The following ADAMTSL1 variants were observed in gnomAD, a reference collection of about 807,000 sequenced individuals.
ADAMTSL1 encodes ADAMTS like 1.
ADAMTSL1 carries 126 observed loss-of-function variants against 201.8 expected under a neutral mutation model. That is an observed-to-expected ratio of 0.62 (90% CI 0.54 to 0.72). The LOEUF is 0.72. Among genes scored for constraint, ADAMTSL1 ranks in the 30% least tolerant of loss-of-function variants. The probability of loss-of-function intolerance (pLI) is 0.00; values close to 1 mark genes in which losing one functional copy is unlikely to be tolerated. For synonymous variants in ADAMTSL1, 1,121 were observed against 903.4 expected, an observed-to-expected ratio of 1.24 and a Z score of -4.32; for missense variants, 2,679 against 2,277.8, an observed-to-expected ratio of 1.18 and a Z score of -3.59.
chr9:18,413,448 G>C (rs1208785203), intron 2 of ADAMTSL1, among the ~76,000 whole-genome samples: 3 of 152,018 alleles, frequency 2.0e-5, no homozygotes, highest in Non-Finnish European at 4.4e-5. Context: ...AACAGGTGTG[G>C]GCCACCATGC....
intron 2 of ADAMTSL1, among the ~76,000 whole-genome samples, chr9:18,401,343 G>A (rs1315246550): frequency 6.6e-6 from 1 of 152,170 alleles, no homozygotes; most frequent in Non-Finnish European, 1.5e-5. Context: ...GCTACTCACA[G>A]TTTCTGTTGA....
chr9:18,427,918 G>A (rs1819299043), intron 2 of ADAMTSL1, among the ~76,000 whole-genome samples: 1 of 152,226 alleles, frequency 6.6e-6, no homozygotes, highest in African/African-American at 2.4e-5. Flanking sequence ...TTGGTAAAGA[G>A]TAAAATGCCT....
At chr9:18,485,789 C>A (rs1353640588) in intron 1 of ADAMTSL1, among the ~76,000 whole-genome samples, 1 of 152,198 alleles carries the variant, frequency 6.6e-6, no homozygotes, top group Non-Finnish European at 1.5e-5. Flanking sequence ...AGGCCACCCC[C>A]AGAAGCTCTG....
rs1333270227 is a variant in ADAMTSL1 at position 18,777,239 on chromosome 9, A to G, written c.3010A>G (p.Asn1004Asp). 12 of 1,612,610 alleles carry G rather than the reference A, an allele frequency of 7.4e-6. No homozygotes were observed. The highest frequency in any genetic ancestry group is 1.6e-4 in the Middle Eastern group (1 of 6,062). Residue 1004 changes from asparagine to aspartate, a missense_variant, in exon 19 of 29, where the codon AAC becomes GAC. Coordinates refer to ENST00000380548, the MANE Select transcript of ADAMTSL1 (RefSeq NM_001040272.6). ...CAAACACCAGAACGGGATCTTCTCC[A>G]ACGGCAGCAAGGCGGAGAAGCGGGG... The part of the protein sequence containing the change: ...THKHQNGIFS[N>D]GSKAEKRGLA...
intron 2 of ADAMTSL1, among the ~76,000 whole-genome samples, chr9:18,426,642 G>T (rs1819234938): frequency 1.3e-5 from 2 of 152,120 alleles, no homozygotes; most frequent in African/African-American, 2.4e-5. Flanking sequence ...ACCCATCAAA[G>T]ATCACAGATT....
chr9:18,739,992 G>C (rs902077510), intron 15 of ADAMTSL1, among the ~76,000 whole-genome samples: 1 of 151,912 alleles, frequency 6.6e-6, no homozygotes, highest in African/African-American at 2.4e-5. Context: ...TTCGTCTCCT[G>C]TCTTCTCACA....
chr9:18,657,596 C>G (rs370950060), intron 7 of ADAMTSL1, 43 bp from the exon 8 acceptor site: 2 of 1,476,208 alleles, frequency 1.4e-6, no homozygotes, highest in African/African-American at 2.8e-5. Context: ...CCAGAAAGCA[C>G]CGCACTGTCA....
intron 23 of ADAMTSL1, among the ~76,000 whole-genome samples, chr9:18,852,515 T>A (rs563097190): frequency 6.6e-6 from 1 of 152,346 alleles, no homozygotes; most frequent in African/African-American, 2.4e-5. Context: ...CCAGTAAACC[T>A]ATCTTCTCAT....
intron 2 of ADAMTSL1, among the ~76,000 whole-genome samples, chr9:18,173,822 C>T (rs923112823): frequency 6.6e-6 from 1 of 152,066 alleles, no homozygotes; most frequent in East Asian, 1.9e-4. Flanking sequence ...GGCATTTTCA[C>T]GTTTCATATT....
intron 23 of ADAMTSL1, among the ~76,000 whole-genome samples, chr9:18,876,333 T>TGTGTGTGA (rs1340134785): frequency 1.3e-5 from 2 of 151,474 alleles, no homozygotes; most frequent in Non-Finnish European, 2.9e-5. Flanking sequence ...TGTGTGTGCG[T>TGTGTGTGA]GATTGTTTTA....
rs1475190496 is a variant in ADAMTSL1, at chr9:17,909,620, G to A, written c.87+2698G>A. ...ATGATAGACTGGATTAAGAAAATGT[G>A]GCACATATACACCATGGAATACTAT... On this transcript the variant is annotated intron_variant, in intron 1 of 29. Transcript: ENST00000680146. 2.9e-5 allele frequency among the ~76,000 whole-genome samples: 2 copies of A among 67,916 alleles called. 1 individual carries two copies. The highest frequency in any genetic ancestry group is 9.0e-5 in the Non-Finnish European group (2 of 22,268). The allele number at this position is 67,916 out of a possible 152,430, so 44.6% of individuals were successfully genotyped here. A position where few individuals can be genotyped will look rare whatever the true frequency, so the allele number is the denominator to read the frequency against.
At chr9:18,160,392 A>G (rs1369351668) in intron 1 of ADAMTSL1, among the ~76,000 whole-genome samples, 1 of 151,998 alleles carries the variant, frequency 6.6e-6, no homozygotes, top group African/African-American at 2.4e-5. Context: ...TAAGTTTTTA[A>G]GAGATACTCT....
At chr9:18,737,029 GA>G (rs1322023468) in intron 15 of ADAMTSL1, among the ~76,000 whole-genome samples, 1 of 152,120 alleles carries the variant, frequency 6.6e-6, no homozygotes, top group Non-Finnish European at 1.5e-5. Context: ...TTAAAAAGGT[GA>G]AGTACAGGCC....
intron 2 of ADAMTSL1, among the ~76,000 whole-genome samples, chr9:18,208,017 C>T (rs1829724737): frequency 6.6e-6 from 1 of 152,130 alleles, no homozygotes; most frequent in Admixed American, 6.6e-5. Context: ...TTACCACTTG[C>T]TGTGTGTCTT....
chr9:18,079,942 G>T (rs1823415557), intron 1 of ADAMTSL1, among the ~76,000 whole-genome samples: 1 of 152,102 alleles, frequency 6.6e-6, no homozygotes, highest in African/African-American at 2.4e-5. Context: ...AAGTGTGTGG[G>T]ATGAAGGCCA....
At chr9:18,825,232 C>A (rs542723861) in intron 21 of ADAMTSL1, among the ~76,000 whole-genome samples, 6 of 152,204 alleles carry the variant, frequency 3.9e-5, no homozygotes, top group African/African-American at 1.4e-4. Flanking sequence ...GGCCTGTTTT[C>A]CAGCATGTCA....
At chr9:18,890,550 C>T (rs762358069) in intron 25 of ADAMTSL1, 2 of 455,884 alleles carry the variant, frequency 4.4e-6, no homozygotes, top group South Asian at 3.1e-5. Context: ...TTCTGTTTTG[C>T]CAGCTGAGTC....
chr9:18,104,618 G>A (rs1261011719), intron 1 of ADAMTSL1, among the ~76,000 whole-genome samples: 1 of 152,094 alleles, frequency 6.6e-6, no homozygotes, highest in Non-Finnish European at 1.5e-5. Context: ...AGGGAGGGAT[G>A]AACAATTACC....
At chr9:18,867,658 T>C (rs1827622989) in intron 23 of ADAMTSL1, among the ~76,000 whole-genome samples, 3 of 152,128 alleles carry the variant, frequency 2.0e-5, no homozygotes, top group Non-Finnish European at 2.9e-5. Flanking sequence ...GATGGAGTCT[T>C]GCTCTGTCGC....
Sources: allele counts gnomAD v4.1 joint callset (sites outside exome capture counted in the v4.1 genomes callset), GRCh38; gene constraint gnomAD v4.1.1; transcripts MANE v1.5; gene names NCBI Gene and HGNC (gene_info 2026-07-23, HGNC 2026-07-21).